The following CSPP1 variants were observed in gnomAD, a reference collection of about 807,000 sequenced individuals.
CSPP1 encodes the protein centrosome and spindle pole associated protein 1.
A neutral mutation model predicts 164.4 loss-of-function variants in CSPP1; 126 were observed. The ratio of observed to expected loss-of-function variants is 0.77; its 90% CI spans 0.66 to 0.89. The LOEUF is 0.89. Ranked by LOEUF, CSPP1 falls within the 40% of genes least tolerant of loss-of-function variation. CSPP1 has a pLI of 0.00. For synonymous variants in CSPP1, 472 were observed against 476.7 expected, an observed-to-expected ratio of 0.99 and a Z score of 0.13; for missense variants, 1,395 against 1,449.8, an observed-to-expected ratio of 0.96 and a Z score of 0.61.
At position 67,188,810 on chromosome 8, in the gene CSPP1, G is replaced by T. The variant is rs1266476873; in HGVS notation, c.3221-1840G>T. On this transcript the variant is annotated intron_variant, in intron 28 of 30. Coordinates refer to ENST00000678616, the MANE Select transcript of CSPP1 (RefSeq NM_001382391.1). The stretch of plus-strand genomic sequence containing the variant: ...CTTGCCATTGTTCCTGCACGGCTAA[G>T]TGCCCGGGTTTGTCCTAATCGAGCT... Among the ~76,000 whole-genome samples, 3 of 152,318 alleles carry T rather than the reference G, an allele frequency of 2.0e-5. No individual in the cohort carries two copies. The East Asian group carries it at 5.8e-4, about 29-fold the overall frequency.
intron 15 of CSPP1, among the ~76,000 whole-genome samples, chr8:67,127,673 C>A (rs771319157): frequency 6.6e-6 from 1 of 152,164 alleles, no homozygotes; most frequent in Admixed American, 6.5e-5. Flanking sequence ...TTCTGCCATT[C>A]TAGAAGTGCT....
chr8:67,099,612 C>A (rs759221931), intron 7 of CSPP1, among the ~76,000 whole-genome samples: 1 of 151,998 alleles, frequency 6.6e-6, no homozygotes, highest in Non-Finnish European at 1.5e-5. Flanking sequence ...GAGATGTAGC[C>A]GTGGTAAAAC....
At chr8:67,070,412 G>A (rs1466650509) in intron 1 of CSPP1, among the ~76,000 whole-genome samples, 3 of 149,306 alleles carry the variant, frequency 2.0e-5, no homozygotes, top group Non-Finnish European at 4.4e-5. Context: ...GCAGTGAGCC[G>A]AGATCGCGCC....
intron 1 of CSPP1, among the ~76,000 whole-genome samples, chr8:67,071,772 G>A: frequency 6.6e-6 from 1 of 152,042 alleles, no homozygotes. Flanking sequence ...TTTGGAAGAT[G>A]TGTTTGGAAA....
exon 1 of CSPP1, chr8:67,064,384 GCCCGGAGGTCTGTCA>G (rs1304013927): frequency 1.9e-6 from 3 of 1,611,776 alleles, no homozygotes; most frequent in East Asian, 6.7e-5. Flanking sequence ...CGGAGCCCCG[GCCCGGAGGTCTGTCA>G]TGCTGTTCCC....
chr8:67,154,166 T>G lies in CSPP1; in HGVS notation c.2241+30T>G, dbSNP rs377314840. Reference sequence around the variant, plus strand: ...AATGCTATTTGATCAGTTTCAAAGTTTCATGAGATTTTAATAAACAAAACT... The same window carrying G: ...AATGCTATTTGATCAGTTTCAAAGTGTCATGAGATTTTAATAAACAAAACT... On this transcript the variant is annotated intron_variant, in intron 19 of 30. Transcript: ENST00000678616. 4.1e-5 allele frequency: 43 copies of G among 1,056,586 alleles called. No individual in the cohort carries two copies. In the African/African-American group the frequency reaches 5.5e-4, roughly 14 times the overall value. 65.5% of individuals were successfully genotyped at this position (1,056,586 alleles called of 1,614,324 possible). A position where few individuals can be genotyped will look rare whatever the true frequency, so the allele number is the denominator to read the frequency against.
chr8:67,136,310 G>A (rs1016279870), intron 16 of CSPP1, among the ~76,000 whole-genome samples: 1 of 151,982 alleles, frequency 6.6e-6, no homozygotes, highest in African/African-American at 2.4e-5. Context: ...GGTGGCTCAC[G>A]CCTGTAATCC....
intron 15 of CSPP1, among the ~76,000 whole-genome samples, chr8:67,126,279 T>A (rs1820045647): frequency 6.6e-6 from 1 of 152,252 alleles, no homozygotes; most frequent in African/African-American, 2.4e-5. Flanking sequence ...GGCTTATAAT[T>A]CTCTATTTCT....
At chr8:67,153,896 T>C in intron 18 of CSPP1, 128 bp from the exon 19 acceptor site, 1 of 562,464 alleles carries the variant, frequency 1.8e-6, no homozygotes, top group Non-Finnish European at 3.1e-6. Context: ...AACCTTCCCC[T>C]TCTGATTTTA....
At chr8:67,066,539 A>G (rs1370044387) in intron 1 of CSPP1, among the ~76,000 whole-genome samples, 1 of 151,632 alleles carries the variant, frequency 6.6e-6, no homozygotes, top group Non-Finnish European at 1.5e-5. Flanking sequence ...CTTAATGATT[A>G]TTTTAAACAC....
At position 67,152,378 on chromosome 8, in the gene CSPP1, A is replaced by G. The variant is rs2129558636; in HGVS notation, c.2129-1646A>G. On this transcript the variant is annotated intron_variant, in intron 18 of 30. Coordinates refer to ENST00000678616, the MANE Select transcript of CSPP1 (RefSeq NM_001382391.1). ...AGGTTTGTTTCTGATGCCCTTTATA[A>G]TGTTCATTATTTTTTCTTTTATTTT... Among the ~76,000 whole-genome samples, 3 of 152,212 alleles carry G rather than the reference A, an allele frequency of 2.0e-5. No homozygotes were observed. The East Asian group carries it at 5.8e-4, about 29-fold the overall frequency.
At chr8:67,094,976 T>C (rs1224988826) in intron 6 of CSPP1, among the ~76,000 whole-genome samples, 1 of 152,222 alleles carries the variant, frequency 6.6e-6, no homozygotes, top group East Asian at 1.9e-4. Context: ...TATGATTATT[T>C]TGAGGTTCAT....
At chr8:67,159,916 CT>C (rs1554605174) in intron 21 of CSPP1, among the ~76,000 whole-genome samples, 4 of 52,248 alleles carry the variant, frequency 7.7e-5, no homozygotes, top group East Asian at 1.1e-3. Context: ...TTCTTTCTTT[CT>C]TTCTTTCCTT....
rs559504629 is a variant in CSPP1 at position 67,139,320 on chromosome 8, G to A, written c.1975+1717G>A. ...ACCATCTCACACCAGTTAGAATGGC[G>A]ATCATTAAAAAGTCAGGAAACAACA... On this transcript the variant is annotated intron_variant, in intron 17 of 30. Transcript: ENST00000678616. Among the ~76,000 whole-genome samples, 189 of 151,800 alleles carry A rather than the reference G, an allele frequency of 1.2e-3. 1 individual carries two copies. Among genetic ancestry groups the A allele is most frequent in the African/African-American group, 4.3e-3 (178 of 41,362 alleles).
chr8:67,074,284 A>G lies in CSPP1; in HGVS notation c.32A>G (p.Glu11Gly), dbSNP rs778293599. ...GATAATTTGGATGAATTTATTGAAG[A>G]GCAAAAAGCCAGATTGGCCGAAGAC... is the stretch of plus-strand genomic sequence containing the variant. MADNLDEFIEEQKARLAEDKA... is the reference protein window; with the variant it reads MADNLDEFIEGQKARLAEDKA... Residue 11 changes from glutamate (E) to glycine (G), a missense_variant, in exon 2 of 31, where the codon GAG becomes GGG. Glu to Gly is a moderately conservative substitution (Grantham distance 98). Coordinates refer to ENST00000678616, the MANE Select transcript of CSPP1 (RefSeq NM_001382391.1). The G allele has an allele frequency of 1.9e-6, 3 of 1,611,542 alleles. No homozygotes were observed.
chr8:67,098,852 G>A (rs114522508), intron 7 of CSPP1, among the ~76,000 whole-genome samples: 1 of 151,964 alleles, frequency 6.6e-6, no homozygotes, highest in African/African-American at 2.4e-5. Flanking sequence ...AGATGGGGTT[G>A]ATAATAGAAA....
At chr8:67,100,252 C>A (rs911681023) in intron 7 of CSPP1, among the ~76,000 whole-genome samples, 2 of 152,080 alleles carry the variant, frequency 1.3e-5, no homozygotes, top group Non-Finnish European at 2.9e-5. Context: ...AGACCTTAAC[C>A]TTATACATAA....
At chr8:67,080,542 A>G (rs921885465) in intron 3 of CSPP1, among the ~76,000 whole-genome samples, 1 of 152,196 alleles carries the variant, frequency 6.6e-6, no homozygotes, top group Non-Finnish European at 1.5e-5. Context: ...TTAAGGGCAT[A>G]GGCCTCCACA....
intron 1 of CSPP1, among the ~76,000 whole-genome samples, chr8:67,070,186 G>A (rs1206286592): frequency 2.0e-5 from 3 of 151,832 alleles, no homozygotes; most frequent in South Asian, 2.1e-4. Flanking sequence ...GAAATAAGTC[G>A]GGACGGTGGC....
Sources: gnomAD v4.1 joint callset for allele counts (sites outside exome capture counted in the v4.1 genomes callset) on GRCh38, gnomAD v4.1.1 for gene constraint, MANE v1.5 for transcripts, NCBI Gene and HGNC (gene_info 2026-07-23, HGNC 2026-07-21) for gene names.